CSMD1: variants seen among roughly 807,000 people sequenced by gnomAD.
The protein encoded by CSMD1 is CUB and sushi domain-containing protein 1.
Under a neutral mutation model 417.5 loss-of-function variants are expected in CSMD1, and 213 were observed. The observed-to-expected ratio is 0.51, with a 90% confidence interval of 0.46 to 0.57. The LOEUF (loss-of-function observed/expected upper bound fraction) is 0.57. Among genes scored for constraint, CSMD1 ranks in the 20% least tolerant of loss-of-function variants. The pLI is 0.00. For synonymous variants in CSMD1, 2,862 were observed against 1,736.8 expected (o/e 1.65, Z -16.11); for missense variants, 6,923 against 4,529.7 (o/e 1.53, Z -15.17).
intron 11 of CSMD1, among the ~76,000 whole-genome samples, chr8:3,473,908 A>C (rs775165982): frequency 2.6e-5 from 4 of 152,136 alleles, no homozygotes; most frequent in Non-Finnish European, 4.4e-5. Context: ...AAGGGAAGCA[A>C]GGCACGTCTT....
chr8:3,639,366 T>C (rs1031080793), intron 7 of CSMD1, among the ~76,000 whole-genome samples: 6 of 152,180 alleles, frequency 3.9e-5, no homozygotes, highest in African/African-American at 1.4e-4. Context: ...AAAGAGAGAA[T>C]GAAAGTGAAT....
intron 6 of CSMD1, among the ~76,000 whole-genome samples, chr8:3,746,256 G>A (rs565005698): frequency 2.0e-5 from 3 of 152,150 alleles, no homozygotes; most frequent in Non-Finnish European, 4.4e-5. Context: ...TATAAACTGC[G>A]GGAAAACAAT....
intron 10 of CSMD1, among the ~76,000 whole-genome samples, chr8:3,505,461 A>G (rs1346478844): frequency 1.3e-5 from 2 of 152,186 alleles, no homozygotes; most frequent in Admixed American, 6.5e-5. Context: ...CACTTTCACG[A>G]CTGATTAAAG....
At chr8:3,784,431 T>C (rs1019942699) in intron 5 of CSMD1, among the ~76,000 whole-genome samples, 3 of 152,224 alleles carry the variant, frequency 2.0e-5, no homozygotes, top group African/African-American at 7.2e-5. Flanking sequence ...TGTTTGGCCT[T>C]TCAGTTTCTT....
chr8:4,468,654 T>A lies in CSMD1; in HGVS notation c.303-48589A>T, dbSNP rs530879594. Among the ~76,000 whole-genome samples the A allele has an allele frequency of 2.3e-4, 35 of 152,292 alleles. No homozygotes were observed. In the South Asian group the frequency reaches 7.0e-3, roughly 31 times the overall value. On this transcript the variant is annotated intron_variant, in intron 2 of 69. Coordinates refer to ENST00000635120, the MANE Select transcript of CSMD1 (RefSeq NM_033225.6). ...AAAATGGTCCATATCCTACTAAACC[T>A]AGGTAGATCTCCTCCCCTGGACTGT...
chr8:4,789,174 G>A (rs1749300076), intron 1 of CSMD1, among the ~76,000 whole-genome samples: 1 of 152,192 alleles, frequency 6.6e-6, no homozygotes, highest in African/African-American at 2.4e-5. Flanking sequence ...TCAGATGAAT[G>A]CTTTGTGCTT....
At chr8:2,984,047 A>T (rs1232272935) in intron 54 of CSMD1, among the ~76,000 whole-genome samples, 2 of 152,198 alleles carry the variant, frequency 1.3e-5, no homozygotes, top group Admixed American at 6.5e-5. Flanking sequence ...TTAATTACTA[A>T]GAAAAAAAAT....
chr8:3,622,682 G>C (rs759012867), intron 7 of CSMD1, among the ~76,000 whole-genome samples: 2 of 152,220 alleles, frequency 1.3e-5, no homozygotes, highest in Non-Finnish European at 2.9e-5. Context: ...TAAAATACAG[G>C]CGATTTTCTG....
At chr8:4,149,444 G>T (rs1366468553) in intron 3 of CSMD1, among the ~76,000 whole-genome samples, 1 of 152,006 alleles carries the variant, frequency 6.6e-6, no homozygotes, top group African/African-American at 2.4e-5. Flanking sequence ...TCTACATAAG[G>T]GCCAATAAAA....
At chr8:3,937,149 T>C (rs539178131) in intron 5 of CSMD1, among the ~76,000 whole-genome samples, 9 of 152,244 alleles carry the variant, frequency 5.9e-5, no homozygotes, top group Non-Finnish European at 8.8e-5. Flanking sequence ...GCAAAGAAAG[T>C]GGTTTCTTTA....
rs767689623 is a variant in CSMD1, at chr8:3,708,401, G to C, written c.1009+13C>G. 6.2e-7 allele frequency: 1 copy of C among 1,611,996 alleles called. No individual in the cohort carries two copies. The highest frequency in any genetic ancestry group is 8.5e-7 in the Non-Finnish European group (1 of 1,178,072). The stretch of plus-strand genomic sequence containing the variant: ...GGCGTATCAATCCTCAGATAGAAAG[G>C]AAAGGGACTCACAGACAGAGTTTTT... On this transcript the variant is annotated intron_variant, in intron 7 of 69. Coordinates refer to ENST00000635120, the MANE Select transcript of CSMD1 (RefSeq NM_033225.6).
At chr8:4,918,898 G>A (rs1176900535) in intron 1 of CSMD1, among the ~76,000 whole-genome samples, 4 of 152,014 alleles carry the variant, frequency 2.6e-5, no homozygotes, top group African/African-American at 9.7e-5. Context: ...TTAAATAAGT[G>A]AGTTTTAAAA....
chr8:4,437,064 G>A (rs1798190368), intron 2 of CSMD1, among the ~76,000 whole-genome samples: 1 of 151,990 alleles, frequency 6.6e-6, no homozygotes, highest in South Asian at 2.1e-4. Flanking sequence ...TAATTTAATG[G>A]GACAGGCTAT....
chr8:3,087,348 C>A (rs912257596), intron 48 of CSMD1, 63 bp from the exon 49 acceptor site: 3 of 1,501,292 alleles, frequency 2.0e-6, no homozygotes, highest in Non-Finnish European at 2.8e-6. Flanking sequence ...AGTGCCATTG[C>A]CTTTGTGAGA....
intron 7 of CSMD1, among the ~76,000 whole-genome samples, chr8:3,678,775 T>C (rs144094316): frequency 2.0e-5 from 3 of 151,968 alleles, no homozygotes; most frequent in African/African-American, 7.3e-5. Flanking sequence ...AAATGTTAAG[T>C]GCAGCCAGAG....
intron 20 of CSMD1, among the ~76,000 whole-genome samples, chr8:3,363,691 T>C (rs916146407): frequency 3.3e-5 from 5 of 152,122 alleles, no homozygotes; most frequent in African/African-American, 1.2e-4. Context: ...CCAAGGCTTT[T>C]GAATGAAGAG....
At chr8:4,821,526 C>G (rs1343264697) in intron 1 of CSMD1, among the ~76,000 whole-genome samples, 2 of 152,216 alleles carry the variant, frequency 1.3e-5, no homozygotes, top group Admixed American at 1.3e-4. Context: ...AAATATCTTA[C>G]AGTACAACAC....
At chr8:4,667,257 A>G (rs1179557087) in intron 1 of CSMD1, among the ~76,000 whole-genome samples, 1 of 152,162 alleles carries the variant, frequency 6.6e-6, no homozygotes, top group Admixed American at 6.5e-5. Flanking sequence ...TTACTGTAGC[A>G]TGAAAAGAAA....
At chr8:3,926,540 G>A (rs1279712379) in intron 5 of CSMD1, among the ~76,000 whole-genome samples, 1 of 151,286 alleles carries the variant, frequency 6.6e-6, no homozygotes, top group Admixed American at 6.6e-5. Context: ...GCAAATAATT[G>A]TTTCTTTTTT....
Sources: allele counts gnomAD v4.1 joint callset (sites outside exome capture counted in the v4.1 genomes callset), GRCh38; gene constraint gnomAD v4.1.1; transcripts MANE v1.5; gene names NCBI Gene and HGNC (gene_info 2026-07-23, HGNC 2026-07-21).